Variants in GPR141 observed in about 807,000 individuals in gnomAD.
The protein encoded by GPR141 is probable G protein-coupled receptor 141.
Under a neutral mutation model 6.8 loss-of-function variants are expected in GPR141, and 6 were observed. The observed-to-expected ratio is 0.88, with a 90% confidence interval of 0.48 to 1.74. GPR141 has a LOEUF of 1.74. Ranked by LOEUF, GPR141 falls within the 40% of genes most tolerant of loss-of-function variation. The pLI, the probability that GPR141 is intolerant of heterozygous loss-of-function variation, is 0.01. For synonymous variants in GPR141, 140 were observed against 142.3 expected (o/e 0.98, Z 0.11); for missense variants, 372 against 372.9 (o/e 1.00, Z 0.02).
intron 2 of GPR141, among the ~76,000 whole-genome samples, chr7:37,733,532 T>C (rs1583575489): frequency 1.3e-5 from 2 of 151,306 alleles, no homozygotes; most frequent in East Asian, 3.9e-4. Context: ...ATAAGCCAGG[T>C]GTGGTGGCAG....
At chr7:37,704,076 T>G (rs1011674570) in intron 2 of GPR141, among the ~76,000 whole-genome samples, 8 of 152,154 alleles carry the variant, frequency 5.3e-5, no homozygotes, top group African/African-American at 1.9e-4. Context: ...CAACATGGGA[T>G]TTTTTGAGAC....
chr7:37,724,297 AT>A (rs200987511), intron 2 of GPR141, among the ~76,000 whole-genome samples: 34 of 150,858 alleles, frequency 2.3e-4, no homozygotes, highest in African/African-American at 7.0e-4. Flanking sequence ...ATATATATAC[AT>A]TTTTTTTTGC....
chr7:37,712,448 A>G (rs1166375575), intron 2 of GPR141, among the ~76,000 whole-genome samples: 1 of 152,122 alleles, frequency 6.6e-6, no homozygotes, highest in African/African-American at 2.4e-5. Context: ...TAATAAAGTG[A>G]TCAGTGTTGC....
intron 2 of GPR141, among the ~76,000 whole-genome samples, chr7:37,696,468 T>C (rs1810019654): frequency 6.6e-6 from 1 of 152,146 alleles, no homozygotes; most frequent in Admixed American, 6.5e-5. Flanking sequence ...CTGTTGCTCC[T>C]GCAAACATAT....
Position 37,743,076 on chromosome 7 carries a change from A to G in GPR141, c.*1765A>G, listed in dbSNP as rs1016627853. ...CCAGTGTCTTCAGTGTTTTATCTTA[A>G]AATTTTCCCAGGATCTGATCCAGTT... On this transcript the variant is annotated 3_prime_UTR_variant, in exon 3 of 3. Coordinates refer to ENST00000334425, the MANE Select transcript of GPR141 (RefSeq NM_001381946.1). Among the ~76,000 whole-genome samples, 2 of 152,056 alleles carry G rather than the reference A, an allele frequency of 1.3e-5. No homozygotes were observed. The highest frequency in any genetic ancestry group is 2.9e-5 in the Non-Finnish European group (2 of 68,022).
At chr7:37,735,705 A>G (rs1437203531) in intron 2 of GPR141, among the ~76,000 whole-genome samples, 2 of 152,170 alleles carry the variant, frequency 1.3e-5, no homozygotes, top group African/African-American at 2.4e-5. Flanking sequence ...AAGATTACAT[A>G]ATGGAAAACC....
Position 37,741,151 on chromosome 7 carries a change from C to G in GPR141, c.758C>G (p.Thr253Arg). The G allele has an allele frequency of 6.2e-7, 1 of 1,613,940 alleles. No homozygotes were observed. Among genetic ancestry groups the G allele is most frequent in the Non-Finnish European group, 8.5e-7 (1 of 1,179,880 alleles). The change falls in exon 3 of 3, where the codon ACG becomes AGG. Residue 253 changes from threonine (T) to arginine (R), a missense_variant. By Grantham distance (71) the Thr-to-Arg change is moderately conservative. Transcript: ENST00000334425. ...AGGATCTATTACTTGAATGTTGTGA[C>G]GCATTCCAATGCCTGTAACAGCAAG... ...FFRIYYLNVV[T>R]HSNACNSKVA...
At chr7:37,695,467 G>A (rs1809971628) in intron 2 of GPR141, among the ~76,000 whole-genome samples, 1 of 152,200 alleles carries the variant, frequency 6.6e-6, no homozygotes, top group South Asian at 2.1e-4. Context: ...GTCTGTAGAT[G>A]TCCAAAGTGT....
intron 2 of GPR141, among the ~76,000 whole-genome samples, chr7:37,725,170 G>T (rs1811565635): frequency 6.6e-6 from 1 of 152,084 alleles, no homozygotes; most frequent in African/African-American, 2.4e-5. Flanking sequence ...TTTTCTTCTT[G>T]GAAGAAGGGG....
chr7:37,706,147 A>G (rs139193302), intron 2 of GPR141, among the ~76,000 whole-genome samples: 28 of 152,338 alleles, frequency 1.8e-4, no homozygotes, highest in African/African-American at 6.3e-4. Context: ...CACACACACA[A>G]AAATAATGGC....
chr7:37,734,843 T>C (rs1812157295), intron 2 of GPR141, among the ~76,000 whole-genome samples: 1 of 152,150 alleles, frequency 6.6e-6, no homozygotes, highest in Non-Finnish European at 1.5e-5. Context: ...AGAAAGAGCT[T>C]GAGGCATTGA....
At chr7:37,720,734 G>A (rs2717929) in intron 2 of GPR141, among the ~76,000 whole-genome samples, 11,635 of 135,642 alleles carry the variant, frequency 0.086, 477 homozygotes, top group East Asian at 0.13. Flanking sequence ...GCCAGACTCC[G>A]TCTCAAAAAA....
rs1809461843 is a variant in GPR141, at chr7:37,685,469, C to T, written c.-129C>T. ...CTCTTTCTTTCTTCAGGGCCTTTCTCTCTGTTGCCCAGGCTGGAGTTTAGC... is the reference window on the plus strand; with the variant it reads ...CTCTTTCTTTCTTCAGGGCCTTTCTTTCTGTTGCCCAGGCTGGAGTTTAGC... On this transcript the variant is annotated 5_prime_UTR_variant, in exon 2 of 3. Coordinates refer to ENST00000334425, the MANE Select transcript of GPR141 (RefSeq NM_001381946.1). 2.7e-5 allele frequency: 4 copies of T among 145,922 alleles called. No homozygotes were observed. The Admixed American group carries it at 2.7e-4, about 10-fold the overall frequency. 9.0% of individuals were successfully genotyped at this position (145,922 alleles called of 1,614,324 possible).
intron 2 of GPR141, among the ~76,000 whole-genome samples, chr7:37,733,691 AAAAAG>A (rs1262418375): frequency 1.3e-5 from 2 of 151,350 alleles, no homozygotes; most frequent in African/African-American, 2.4e-5. Context: ...AAAAAAAAGA[AAAAAG>A]AAAAGAAAAA....
chr7:37,718,777 C>G (rs1246063155), intron 2 of GPR141, among the ~76,000 whole-genome samples: 1 of 152,200 alleles, frequency 6.6e-6, no homozygotes, highest in African/African-American at 2.4e-5. Flanking sequence ...AACAATTGCT[C>G]TTCTGAGATC....
intron 2 of GPR141, among the ~76,000 whole-genome samples, chr7:37,719,189 G>T (rs936108761): frequency 2.0e-5 from 3 of 152,184 alleles, no homozygotes; most frequent in Non-Finnish European, 4.4e-5. Context: ...GCCTTTGGCT[G>T]CTTGGTAACC....
In GPR141 at chr7:37,743,529, A is replaced by G. The variant is rs989999997; in HGVS notation, c.*2218A>G. 1.4e-5 allele frequency among the ~76,000 whole-genome samples: 2 copies of G among 146,494 alleles called. No homozygotes were observed. Among genetic ancestry groups the G allele is most frequent in the African/African-American group, 5.0e-5 (2 of 39,652 alleles). On this transcript the variant is annotated 3_prime_UTR_variant, in exon 3 of 3. Coordinates refer to ENST00000334425, the MANE Select transcript of GPR141 (RefSeq NM_001381946.1). ...TAAGACCCCTGATAGTTTTAAGAAA[A>G]TTTATAATACCTATAAATATGTAAA...
intron 2 of GPR141, among the ~76,000 whole-genome samples, chr7:37,731,141 T>C (rs904054389): frequency 3.9e-5 from 6 of 152,250 alleles, no homozygotes; most frequent in African/African-American, 1.2e-4. Context: ...ATGAGAATTA[T>C]CTGCAGATTT....
At chr7:37,716,644 G>C (rs1306769383) in intron 2 of GPR141, among the ~76,000 whole-genome samples, 1 of 152,134 alleles carries the variant, frequency 6.6e-6, no homozygotes, top group Non-Finnish European at 1.5e-5. Context: ...AGAAGTGTGT[G>C]GACAAAAGTA....
Sources: gnomAD v4.1 joint callset for allele counts (sites outside exome capture counted in the v4.1 genomes callset) on GRCh38, gnomAD v4.1.1 for gene constraint, MANE v1.5 for transcripts, NCBI Gene and HGNC (gene_info 2026-07-23, HGNC 2026-07-21) for gene names.